The following CEACAM1 variants were observed in gnomAD, a reference collection of about 807,000 sequenced individuals.
The protein encoded by CEACAM1 is cell adhesion molecule CEACAM1.
A neutral mutation model predicts 49.1 loss-of-function variants in CEACAM1; 31 were observed. That is an observed-to-expected ratio of 0.63 (90% CI 0.47 to 0.85). The LOEUF (loss-of-function observed/expected upper bound fraction) is 0.85, where lower values mean the gene tolerates loss of function less well. Ranked by LOEUF, CEACAM1 falls within the 40% of genes least tolerant of loss-of-function variation. The pLI is 0.00. For missense variants in CEACAM1, 570 were observed against 645.3 expected (o/e 0.88, Z 1.26); for synonymous variants, 244 against 247.8 (o/e 0.98, Z 0.14).
chr19:42,523,221 T>C (rs2041803657), intron 2 of CEACAM1, among the ~76,000 whole-genome samples: 1 of 152,226 alleles, frequency 6.6e-6, no homozygotes, highest in Non-Finnish European at 1.5e-5. Context: ...ATCCTAGAGA[T>C]GGGTGATGAT....
intron 4 of CEACAM1, 99 bp downstream of exon 4, chr19:42,521,168 G>T: frequency 7.5e-7 from 1 of 1,336,396 alleles, no homozygotes. Flanking sequence ...TGTGCCTGTT[G>T]GATACAGGCT....
At position 42,525,224 on chromosome 19, in the gene CEACAM1, A is replaced by ATT. The variant is rs538996240; in HGVS notation, c.424+1815_424+1816dup. ...TGGGTCTGAGGGGATAGGCCTGAAC[A>ATT]TTTTTTTTTTTTTTTTTTGAGATAG... On this transcript the variant is annotated intron_variant, in intron 2 of 8. Coordinates refer to ENST00000161559, the MANE Select transcript of CEACAM1 (RefSeq NM_001712.5). Among the ~76,000 whole-genome samples the ATT allele has an allele frequency of 1.1e-3, 141 of 131,062 alleles. 2 individuals carry two copies. In the South Asian group the frequency reaches 0.014, roughly 13 times the overall value. The allele number at this position is 131,062 out of a possible 152,430, so 86.0% of individuals were successfully genotyped here.
chr19:42,519,587 T>C (rs1490132411), intron 4 of CEACAM1: 1 of 211,386 alleles, frequency 4.7e-6, no homozygotes, highest in Non-Finnish European at 9.3e-6. Flanking sequence ...TTTTTTTTTT[T>C]CAGACGGAGT....
intron 5 of CEACAM1, among the ~76,000 whole-genome samples, chr19:42,515,823 A>G (rs2041587168): frequency 6.6e-6 from 1 of 152,240 alleles, no homozygotes; most frequent in South Asian, 2.1e-4. Flanking sequence ...GAGTACTATG[A>G]GTAATTGAAT....
In CEACAM1 at chr19:42,518,946, AC is replaced by A. The variant is rs1236763338; in HGVS notation, c.1246+1del. ...TATAGGAAGGGGTGAGGAGTCACTT[AC>A]AGTTTACGTTCAGCATGATGGGGTC... is the stretch of plus-strand genomic sequence containing the variant. On this transcript the variant is annotated splice_donor_variant, in intron 5 of 8. Transcript: ENST00000161559. LOFTEE classifies it high-confidence loss of function. 1.2e-6 allele frequency: 2 copies of A among 1,614,028 alleles called. No individual in the cohort carries two copies. The highest frequency in any genetic ancestry group is 1.7e-6 in the Non-Finnish European group (2 of 1,180,014).
rs777547698 is a variant in CEACAM1 at position 42,521,443 on chromosome 19, G to A, written c.782C>T (p.Ala261Val). ...GTACTGTGCAGGTGGGTTAGAGGCTGCATAGCAGGAGAGGCTGAGGTTTGC... is the reference window on the plus strand; with the variant it reads ...GTACTGTGCAGGTGGGTTAGAGGCTACATAGCAGGAGAGGCTGAGGTTTGC... ...PGANLSLSCY[A>V]ASNPPAQYSW... Residue 261 changes from alanine (A) to valine (V), a missense_variant, in exon 4 of 9, where the codon GCA (alanine) becomes GTA (valine). By Grantham distance (64) the Ala-to-Val change is moderately conservative (BLOSUM62 0). Transcript: ENST00000161559. The A allele has an allele frequency of 7.4e-6, 12 of 1,614,124 alleles. No individual in the cohort carries two copies. In the South Asian group the frequency reaches 1.3e-4, roughly 18 times the overall value.
rs1162419868 is a variant in CEACAM1 at position 42,527,121 on chromosome 19, T to A, written c.344A>T (p.Asn115Ile). ...TTGTAGGGTGTAGAATCCTGTGTCA[T>A]TCTGGGTGACGTTCTGGATCAGCAG... ...ASLLIQNVTQ[N>I]DTGFYTLQVI... is the part of the protein sequence containing the mutation. The change falls in exon 2 of 9, where the codon AAT becomes ATT. Residue 115 changes from asparagine to isoleucine, a missense_variant. By Grantham distance (149) the Asn-to-Ile change is moderately radical. Transcript: ENST00000161559. 3 of 1,614,008 alleles carry A rather than the reference T, an allele frequency of 1.9e-6. No individual in the cohort carries two copies. The highest frequency in any genetic ancestry group is 1.7e-5 in the Admixed American group (1 of 59,998).
chr19:42,521,266 C>G lies in CEACAM1; in HGVS notation c.958+1G>C. 6.2e-7 allele frequency: 1 copy of G among 1,613,762 alleles called. No individual in the cohort carries two copies. The highest frequency in any genetic ancestry group is 8.5e-7 in the Non-Finnish European group (1 of 1,179,652). ...GTGTTGATGCTCCAGGAATTACTTA[C>G]CAGTGACTATGATCGTCTTGACTGT... On this transcript the variant is annotated splice_donor_variant, in intron 4 of 8. Transcript: ENST00000161559. LOFTEE classifies it high-confidence loss of function.
chr19:42,520,303 G>C (rs2041711452), intron 4 of CEACAM1, among the ~76,000 whole-genome samples: 1 of 152,204 alleles, frequency 6.6e-6, no homozygotes, highest in Non-Finnish European at 1.5e-5. Flanking sequence ...TTCAGAGCCA[G>C]GACAAGCTCA....
chr19:42,517,637 C>T (rs2041631680), intron 5 of CEACAM1, among the ~76,000 whole-genome samples: 1 of 152,134 alleles, frequency 6.6e-6, no homozygotes, highest in South Asian at 2.1e-4. Flanking sequence ...ACCTTATAAC[C>T]ATTAGGATGG....
Position 42,511,622 on chromosome 19 carries a change from G to A in CEACAM1, c.1383C>T (p.Ser461=), listed in dbSNP as rs767345563. ...TGTGCTCTGTGAGATCACGCTGGTC[G>A]CTTGCCCTAAATAAATATCAGAAAC... The part of the protein sequence containing the change: ...FLHFGKTGRA[S]DQRDLTEHKP... Residue 461 remains serine, a synonymous_variant, in exon 7 of 9, where the codon AGC becomes AGT. Transcript: ENST00000161559. 5.0e-6 allele frequency: 8 copies of A among 1,613,810 alleles called. No homozygotes were observed. The Admixed American group carries it at 8.3e-5, about 17-fold the overall frequency.
At chr19:42,526,400 C>A (rs2041892027) in intron 2 of CEACAM1, among the ~76,000 whole-genome samples, 3 of 152,222 alleles carry the variant, frequency 2.0e-5, no homozygotes, top group Non-Finnish European at 4.4e-5. Flanking sequence ...GCCCCCAGGG[C>A]AGTTGGCTGA....
At chr19:42,515,006 C>T (rs1282592281) in intron 5 of CEACAM1, 1 of 670,250 alleles carries the variant, frequency 1.5e-6, no homozygotes, top group Admixed American at 2.2e-5. Context: ...CGTGGTGGCT[C>T]ACACCTGTAA....
chr19:42,521,374 A>G lies in CEACAM1; in HGVS notation c.851T>C (p.Leu284Pro). The change falls in exon 4 of 9, where the codon CTC becomes CCC. Residue 284 changes from leucine to proline, a missense_variant. By Grantham distance (98) the Leu-to-Pro change is moderately conservative. Transcript: ENST00000161559. Reference protein sequence around the residue: ...NGTFQQSTQELFIPNITVNNS... With the variant: ...NGTFQQSTQEPFIPNITVNNS... ...ATTCACAGTGATGTTAGGGATAAAG[A>G]GCTCTTGTGTGCTTTGCTGGAATGT... 6.2e-7 allele frequency: 1 copy of G among 1,614,172 alleles called. No individual in the cohort carries two copies.
chr19:42,524,424 C>T lies in CEACAM1; in HGVS notation c.425-2222G>A, dbSNP rs746492794. On this transcript the variant is annotated intron_variant, in intron 2 of 8. Transcript: ENST00000161559. Reference sequence around the variant, plus strand: ...GCAGACCTGTCCTTCTGCCTCTGATCCCCTGGTGAGTCAGTATAGAGAGTG... The same window carrying T: ...GCAGACCTGTCCTTCTGCCTCTGATTCCCTGGTGAGTCAGTATAGAGAGTG... 7.9e-5 allele frequency among the ~76,000 whole-genome samples: 12 copies of T among 152,190 alleles called. 1 individual carries two copies. Among genetic ancestry groups the T allele is most frequent in the Non-Finnish European group, 1.8e-4 (12 of 68,034 alleles).
chr19:42,526,328 G>A (rs2041889638), intron 2 of CEACAM1, among the ~76,000 whole-genome samples: 1 of 152,158 alleles, frequency 6.6e-6, no homozygotes, highest in Admixed American at 6.5e-5. Context: ...GAGCTTTCAG[G>A]AGCATCCTGT....
chr19:42,512,644 A>AT (rs900855095), intron 5 of CEACAM1, among the ~76,000 whole-genome samples, 165 bp from the exon 6 acceptor site: 25 of 145,644 alleles, frequency 1.7e-4, no homozygotes, highest in Non-Finnish European at 2.1e-4. Flanking sequence ...TATCCTTGCA[A>AT]TTTTTTTTTT....
intron 2 of CEACAM1, among the ~76,000 whole-genome samples, chr19:42,522,873 A>G (rs2041794030): frequency 6.6e-6 from 1 of 152,212 alleles, no homozygotes; most frequent in African/African-American, 2.4e-5. Flanking sequence ...CCCACCTCTC[A>G]GCCAACCCAA....
Position 42,519,188 on chromosome 19 carries a change from T to C in CEACAM1, c.1006A>G (p.Thr336Ala), listed in dbSNP as rs1461012096. ...AKPQIKASKT[T>A]VTGDKDSVNL... The stretch of plus-strand genomic sequence containing the variant: ...ACAGAGTCCTTATCTCCTGTGACTG[T>C]GGTCTTGCTGGCTTTGATTTGGGGC... The change falls in exon 5 of 9, where the codon ACA becomes GCA. Residue 336 changes from threonine (T) to alanine (A), a missense_variant. Thr to Ala is a moderately conservative substitution (Grantham distance 58). Transcript: ENST00000161559. The C allele has an allele frequency of 1.2e-6, 2 of 1,614,056 alleles. No individual in the cohort carries two copies. Among genetic ancestry groups the C allele is most frequent in the Non-Finnish European group, 1.7e-6 (2 of 1,180,032 alleles).
Sources: gnomAD v4.1 joint callset for allele counts (sites outside exome capture counted in the v4.1 genomes callset) on GRCh38, gnomAD v4.1.1 for gene constraint, MANE v1.5 for transcripts, NCBI Gene and HGNC (gene_info 2026-07-23, HGNC 2026-07-21) for gene names.